ZNF804B: variants seen among roughly 807,000 people sequenced by gnomAD.
ZNF804B encodes zinc finger 804B.
Under a neutral mutation model 101.4 loss-of-function variants are expected in ZNF804B, and 80 were observed. The ratio of observed to expected loss-of-function variants is 0.79; its 90% CI spans 0.66 to 0.95. The LOEUF (loss-of-function observed/expected upper bound fraction) is 0.95. Among genes scored for constraint, ZNF804B ranks in the 40% least tolerant of loss-of-function variants. The probability of loss-of-function intolerance (pLI) is 0.00; values close to 1 mark genes in which losing one functional copy is unlikely to be tolerated. For synonymous variants in ZNF804B, 622 were observed against 558.8 expected, an observed-to-expected ratio of 1.11 and a Z score of -1.59; for missense variants, 1,673 against 1,561.9, an observed-to-expected ratio of 1.07 and a Z score of -1.20.
intron 1 of ZNF804B, among the ~76,000 whole-genome samples, chr7:89,123,436 T>C (rs1790434100): frequency 6.6e-6 from 1 of 152,160 alleles, no homozygotes; most frequent in African/African-American, 2.4e-5. Flanking sequence ...TGATACACTG[T>C]AAATCGATAC....
At chr7:89,046,350 A>G (rs1472062141) in intron 1 of ZNF804B, among the ~76,000 whole-genome samples, 2 of 152,158 alleles carry the variant, frequency 1.3e-5, no homozygotes, top group East Asian at 1.9e-4. Context: ...ATGCTGCTGT[A>G]TTTATTACAG....
intron 1 of ZNF804B, among the ~76,000 whole-genome samples, chr7:89,065,369 A>G (rs1789442696): frequency 1.3e-5 from 2 of 152,308 alleles, no homozygotes; most frequent in South Asian, 4.1e-4. Flanking sequence ...CAGCTGGGCC[A>G]AAGTAATTCT....
At chr7:89,129,552 A>T (rs1241943220) in intron 1 of ZNF804B, among the ~76,000 whole-genome samples, 2 of 152,030 alleles carry the variant, frequency 1.3e-5, no homozygotes, top group Non-Finnish European at 2.9e-5. Context: ...ACAATACAGT[A>T]GTTCTCAGAG....
chr7:89,131,019 C>T (rs1383649721), intron 1 of ZNF804B, among the ~76,000 whole-genome samples: 1 of 151,984 alleles, frequency 6.6e-6, no homozygotes, highest in Non-Finnish European at 1.5e-5. Flanking sequence ...CTTTTAAACT[C>T]ACTCATTTCT....
chr7:89,306,123 C>T (rs1218674096), intron 2 of ZNF804B, among the ~76,000 whole-genome samples: 1 of 151,996 alleles, frequency 6.6e-6, no homozygotes, highest in African/African-American at 2.4e-5. Context: ...AAACAGATTT[C>T]ATCTCCAAGC....
intron 1 of ZNF804B, among the ~76,000 whole-genome samples, chr7:89,116,749 C>T (rs1164770802): frequency 8.5e-5 from 13 of 152,074 alleles, no homozygotes; most frequent in East Asian, 3.8e-4. Context: ...AACTACATTT[C>T]GGCATAATTA....
At chr7:88,794,865 T>G in intron 1 of ZNF804B, 1 of 1,613,072 alleles carries the variant, frequency 6.2e-7, no homozygotes, top group East Asian at 2.2e-5. Context: ...AATTGCTACG[T>G]GGGACTTGGA....
chr7:89,317,014 G>A (rs951720495), intron 2 of ZNF804B, among the ~76,000 whole-genome samples: 3 of 152,184 alleles, frequency 2.0e-5, no homozygotes, highest in Admixed American at 1.3e-4. Flanking sequence ...AGCAAGTACA[G>A]AGAAATGTTA....
At chr7:89,079,724 G>A (rs1299106566) in intron 1 of ZNF804B, among the ~76,000 whole-genome samples, 3 of 152,160 alleles carry the variant, frequency 2.0e-5, no homozygotes, top group African/African-American at 4.8e-5. Flanking sequence ...ATTTTAGATA[G>A]TGTGTGCCAG....
intron 2 of ZNF804B, among the ~76,000 whole-genome samples, chr7:89,233,595 G>A (rs1445724699): frequency 6.6e-6 from 1 of 152,002 alleles, no homozygotes; most frequent in African/African-American, 2.4e-5. Flanking sequence ...TTCAGTTTGA[G>A]GGGTAGGCTG....
At chr7:89,098,866 C>T (rs768572717) in intron 1 of ZNF804B, among the ~76,000 whole-genome samples, 39 of 151,698 alleles carry the variant, frequency 2.6e-4, no homozygotes, top group Non-Finnish European at 3.8e-4. Context: ...CAAGTACCTG[C>T]CTAAACTTCA....
At chr7:89,059,010 A>G (rs1179162732) in intron 1 of ZNF804B, among the ~76,000 whole-genome samples, 1 of 152,138 alleles carries the variant, frequency 6.6e-6, no homozygotes, top group Non-Finnish European at 1.5e-5. Context: ...GGTTCCTTTC[A>G]GGCTAAATAA....
At chr7:89,236,215 T>C (rs1037240715) in intron 2 of ZNF804B, among the ~76,000 whole-genome samples, 8 of 152,124 alleles carry the variant, frequency 5.3e-5, no homozygotes, top group South Asian at 4.1e-4. Flanking sequence ...AAGTAAGACA[T>C]GTCTCTAGTC....
At chr7:88,957,280 T>G (rs1473241872) in intron 1 of ZNF804B, among the ~76,000 whole-genome samples, 2 of 151,486 alleles carry the variant, frequency 1.3e-5, no homozygotes, top group Non-Finnish European at 3.0e-5. Flanking sequence ...AACCTTGCTT[T>G]CTTTCTAATT....
chr7:88,982,401 T>C (rs749574632), intron 1 of ZNF804B, among the ~76,000 whole-genome samples: 9 of 152,096 alleles, frequency 5.9e-5, no homozygotes, highest in East Asian at 1.9e-4. Context: ...CATAACAAAC[T>C]ACCATAAACT....
chr7:89,022,053 T>C (rs1788676034), intron 1 of ZNF804B, among the ~76,000 whole-genome samples: 1 of 152,124 alleles, frequency 6.6e-6, no homozygotes, highest in South Asian at 2.1e-4. Flanking sequence ...TTTCTCCACT[T>C]ACTTTTTTTT....
At chr7:89,065,911 T>C (rs1161316386) in intron 1 of ZNF804B, among the ~76,000 whole-genome samples, 2 of 152,154 alleles carry the variant, frequency 1.3e-5, no homozygotes, top group Non-Finnish European at 2.9e-5. Flanking sequence ...CATTTCTAAG[T>C]GCTTAATTTA....
chr7:89,201,541 G>T (rs1338389677), intron 1 of ZNF804B, among the ~76,000 whole-genome samples: 1 of 151,926 alleles, frequency 6.6e-6, no homozygotes, highest in Non-Finnish European at 1.5e-5. Flanking sequence ...GTCCAAGAAA[G>T]AAGTGCTGGG....
At chr7:88,928,342 TA>T (rs1287235533) in intron 1 of ZNF804B, among the ~76,000 whole-genome samples, 2 of 152,154 alleles carry the variant, frequency 1.3e-5, no homozygotes, top group Non-Finnish European at 2.9e-5. Context: ...TTATTCTGAA[TA>T]AATGACACTT....
Sources: allele counts gnomAD v4.1 joint callset (sites outside exome capture counted in the v4.1 genomes callset), GRCh38; gene constraint gnomAD v4.1.1; transcripts MANE v1.5; gene names NCBI Gene and HGNC (gene_info 2026-07-23, HGNC 2026-07-21).